Variants in USB1 observed in about 807,000 individuals in gnomAD.
USB1 encodes U6 snRNA phosphodiesterase 1.
Under a neutral mutation model 29.9 loss-of-function variants are expected in USB1, and 21 were observed. That is an observed-to-expected ratio of 0.70 (90% CI 0.50 to 1.01). The LOEUF (loss-of-function observed/expected upper bound fraction) is 1.01, where lower values mean the gene tolerates loss of function less well. Ranked by LOEUF, USB1 falls within the 50% of genes least tolerant of loss-of-function variation. USB1 has a pLI of 0.00. For missense variants in USB1, 330 were observed against 347.1 expected (o/e 0.95, Z 0.39); for synonymous variants, 143 against 134.9 (o/e 1.06, Z -0.42).
chr16:58,020,348 C>A lies in USB1; in HGVS notation c.*103C>A. On this transcript the variant is annotated 3_prime_UTR_variant, in exon 7 of 7. Transcript: ENST00000219281. Reference sequence around the variant, plus strand: ...GCTTCTAGCCTCCCAGTAGGAGGCCCCAGCCATGCCTTCAACCTGGCAGGA... The same window carrying A: ...GCTTCTAGCCTCCCAGTAGGAGGCCACAGCCATGCCTTCAACCTGGCAGGA... 1 of 1,083,204 alleles carries A rather than the reference C, an allele frequency of 9.2e-7. No individual in the cohort carries two copies. Among genetic ancestry groups the A allele is most frequent in the Non-Finnish European group, 1.4e-6 (1 of 717,792 alleles). 67.1% of individuals were successfully genotyped at this position (1,083,204 alleles called of 1,614,324 possible). A position where few individuals can be genotyped will look rare whatever the true frequency, so the allele number is the denominator to read the frequency against.
chr16:58,001,817 G>A (rs998333058), intron 1 of USB1, among the ~76,000 whole-genome samples: 1 of 151,974 alleles, frequency 6.6e-6, no homozygotes, highest in Non-Finnish European at 1.5e-5. Flanking sequence ...CTGGGTTCGG[G>A]TCCAGCCTCG....
At chr16:58,019,542 T>G (rs750586826) in intron 6 of USB1, among the ~76,000 whole-genome samples, 1 of 152,180 alleles carries the variant, frequency 6.6e-6, no homozygotes, top group Non-Finnish European at 1.5e-5. Context: ...CTTTCCCATC[T>G]GCGCCCTTGG....
chr16:58,001,647 T>A, intron 1 of USB1, 66 bp downstream of exon 1: 1 of 1,507,726 alleles, frequency 6.6e-7, no homozygotes, highest in Non-Finnish European at 9.0e-7. Flanking sequence ...GGGACCCGAA[T>A]GTCTGGGGGT....
At chr16:58,009,093 T>A (rs1024463085) in intron 2 of USB1, among the ~76,000 whole-genome samples, 2 of 152,244 alleles carry the variant, frequency 1.3e-5, no homozygotes, top group Non-Finnish European at 2.9e-5. Flanking sequence ...CCCTTTAGTA[T>A]GTCTTGTAAT....
intron 2 of USB1, 77 bp downstream of exon 2, chr16:58,002,722 A>C: frequency 6.3e-7 from 1 of 1,591,448 alleles, no homozygotes; most frequent in Non-Finnish European, 8.6e-7. Context: ...ATCTGGCCCC[A>C]ACTAGAAGGA....
At position 58,001,415 on chromosome 16, in the gene USB1, C is replaced by A; in HGVS notation, c.-69C>A. On this transcript the variant is annotated 5_prime_UTR_variant, in exon 1 of 7. Coordinates refer to ENST00000219281, the MANE Select transcript of USB1 (RefSeq NM_024598.4). ...CCCGCCCCTGGGAGGGCGCTTCCGG[C>A]ACAGCGGAACTCCGGGTGCCGGTTG... 6.5e-7 allele frequency: 1 copy of A among 1,539,020 alleles called. No individual in the cohort carries two copies. Among genetic ancestry groups the A allele is most frequent in the Non-Finnish European group, 8.8e-7 (1 of 1,136,760 alleles).
chr16:58,001,094 G>A (rs1262581457), upstream of USB1, among the ~76,000 whole-genome samples: 1 of 152,176 alleles, frequency 6.6e-6, no homozygotes, highest in Non-Finnish European at 1.5e-5. Context: ...GGCCGGGCTC[G>A]GGGCAGGCAG....
chr16:58,012,029 T>C (rs1963507978), intron 3 of USB1: 2 of 1,216,248 alleles, frequency 1.6e-6, no homozygotes, highest in East Asian at 3.6e-5. Context: ...AAGCCTGATG[T>C]GTGGCTGTGT....
chr16:58,012,745 G>A (rs1041654960), intron 3 of USB1: 10 of 1,056,826 alleles, frequency 9.5e-6, no homozygotes, highest in Admixed American at 4.9e-5. Flanking sequence ...GGAGGAGAGC[G>A]GCTATGTTAG....
rs1311318167 is a variant in USB1 at position 58,021,498 on chromosome 16, C to T, written c.*1253C>T. 6.6e-6 allele frequency: 1 copy of T among 152,254 alleles called. No homozygotes were observed. 9.4% of individuals were successfully genotyped at this position (152,254 alleles called of 1,614,324 possible). ...TTTAATTGTTTCATCACACCTTCCC[C>T]GTGGCAAAGAAACAGTCAGTCCTCT... On this transcript the variant is annotated 3_prime_UTR_variant, in exon 7 of 7. Coordinates refer to ENST00000219281, the MANE Select transcript of USB1 (RefSeq NM_024598.4).
intron 2 of USB1, among the ~76,000 whole-genome samples, chr16:58,005,672 A>G (rs1229895573): frequency 1.3e-5 from 2 of 152,186 alleles, no homozygotes; most frequent in African/African-American, 2.4e-5. Context: ...GTTGTTTTAT[A>G]TATTTTATTA....
At chr16:58,014,519 A>T (rs1026176346) in intron 4 of USB1, among the ~76,000 whole-genome samples, 193 bp downstream of exon 4, 1 of 152,254 alleles carries the variant, frequency 6.6e-6, no homozygotes, top group Non-Finnish European at 1.5e-5. Context: ...ACAGTAGCGC[A>T]TGCCTGTAAT....
intron 3 of USB1, chr16:58,012,280 A>G: frequency 6.5e-6 from 10 of 1,535,330 alleles, no homozygotes; most frequent in Non-Finnish European, 8.7e-6. Flanking sequence ...GTCATTATCA[A>G]GTTGATTGAT....
At chr16:58,002,773 T>A (rs1963259752) in intron 2 of USB1, 128 bp downstream of exon 2, 27 of 1,331,614 alleles carry the variant, frequency 2.0e-5, no homozygotes, top group Non-Finnish European at 2.7e-5. Context: ...GGAAAGTCAT[T>A]GACTTAGCAG....
intron 3 of USB1, chr16:58,010,823 C>T (rs1963475446): frequency 1.7e-6 from 1 of 587,026 alleles, no homozygotes; most frequent in Non-Finnish European, 3.0e-6. Context: ...AGCCACCCTC[C>T]CAGCACATGG....
At chr16:58,012,798 T>C in intron 3 of USB1, 1 of 1,001,960 alleles carries the variant, frequency 1.0e-6, no homozygotes, top group Non-Finnish European at 1.2e-6. Context: ...GAAGACAGCA[T>C]GAACTGCACC....
At chr16:58,000,035 C>T (rs951772423), upstream of USB1, among the ~76,000 whole-genome samples, 4 of 152,204 alleles carry the variant, frequency 2.6e-5, no homozygotes, top group Non-Finnish European at 5.9e-5. This position sits in a 1 kb window ranked among gnomAD's most constrained non-coding sequence, Gnocchi z 4.5. Context: ...AGGGGAGGCC[C>T]CCCACCTGCG....
chr16:58,001,645 AAT>A, intron 1 of USB1, 64 bp downstream of exon 1: 1 of 1,532,810 alleles, frequency 6.5e-7, no homozygotes, highest in East Asian at 2.4e-5. Flanking sequence ...ACGGGACCCG[AAT>A]GTCTGGGGGT....
At position 58,013,099 on chromosome 16, in the gene USB1, G is replaced by A. The variant is rs1963536042; in HGVS notation, c.450-1174G>A. 1.0e-5 allele frequency: 10 copies of A among 985,546 alleles called. No individual in the cohort carries two copies. The South Asian group carries it at 4.7e-4, about 46-fold the overall frequency. 61.1% of individuals were successfully genotyped at this position (985,546 alleles called of 1,614,324 possible). ...GGTTGAGCCTAAGGTGACCAAGAGT[G>A]GGCGGTGCACCCCTGATTCTGTTGC... On this transcript the variant is annotated intron_variant, in intron 3 of 6. Transcript: ENST00000219281. The surrounding 1 kb of genome is among the most constrained non-coding windows in gnomAD (Gnocchi z 4.3).
Sources: allele counts gnomAD v4.1 joint callset (sites outside exome capture counted in the v4.1 genomes callset), GRCh38; gene constraint gnomAD v4.1.1; non-coding constraint Gnocchi (gnomAD v3.1); transcripts MANE v1.5; gene names NCBI Gene and HGNC (gene_info 2026-07-23, HGNC 2026-07-21).